The following CCDC117 variants were observed in gnomAD, a reference collection of about 807,000 sequenced individuals.
CCDC117 encodes the protein coiled-coil domain-containing protein 117.
CCDC117 carries 1 observed loss-of-function variant against 23.5 expected under a neutral mutation model. The ratio of observed to expected loss-of-function variants is 0.04; its 90% CI spans 0.02 to 0.20. CCDC117 has a LOEUF of 0.20. Among genes scored for constraint, CCDC117 ranks in the 10% least tolerant of loss-of-function variants. The probability of loss-of-function intolerance (pLI) is 1.00; values close to 1 mark genes in which losing one functional copy is unlikely to be tolerated. For synonymous variants in CCDC117, 132 were observed against 124.8 expected (o/e 1.06, Z -0.39); for missense variants, 383 against 348.2 (o/e 1.10, Z -0.80).
intron 1 of CCDC117, 48 bp downstream of exon 1, chr22:28,773,082 C>G: frequency 1.1e-6 from 1 of 911,208 alleles, no homozygotes; most frequent in Non-Finnish European, 1.3e-6. Context: ...GGCGGGCGGG[C>G]AGGCTGGGCG....
chr22:28,783,476 TTTTC>T (rs778184539), intron 3 of CCDC117, 28 bp from the exon 4 acceptor site: 3 of 1,589,382 alleles, frequency 1.9e-6, no homozygotes, highest in African/African-American at 2.7e-5. Context: ...ACTAAATATT[TTTTC>T]TTTCTTCTGC....
chr22:28,784,527 G>T (rs2031453836), intron 4 of CCDC117, among the ~76,000 whole-genome samples: 1 of 152,224 alleles, frequency 6.6e-6, no homozygotes, highest in African/African-American at 2.4e-5. Context: ...GGGCAGATAG[G>T]TGAGGCATTA....
At chr22:28,774,395 G>T (rs1260598481) in intron 2 of CCDC117, among the ~76,000 whole-genome samples, 13 of 118,782 alleles carry the variant, frequency 1.1e-4, no homozygotes, top group Non-Finnish European at 1.5e-4. Flanking sequence ...TTTTTTTAAA[G>T]TCAGGGGCTC....
intron 2 of CCDC117, among the ~76,000 whole-genome samples, chr22:28,774,873 G>A (rs2031118025): frequency 6.6e-6 from 1 of 152,070 alleles, no homozygotes; most frequent in South Asian, 2.1e-4. Context: ...GGAAGATATG[G>A]TTCACACTGT....
intron 2 of CCDC117, 55 bp downstream of exon 2, chr22:28,773,833 T>C: frequency 7.4e-7 from 1 of 1,355,082 alleles, no homozygotes; most frequent in East Asian, 2.3e-5. Flanking sequence ...TGAACCCCTG[T>C]TATAGTCTAA....
intron 3 of CCDC117, among the ~76,000 whole-genome samples, chr22:28,782,908 G>A (rs1302228050): frequency 6.6e-6 from 1 of 152,014 alleles, no homozygotes; most frequent in Non-Finnish European, 1.5e-5. Flanking sequence ...TCTTCTCATA[G>A]AACTACTGAG....
intron 2 of CCDC117, among the ~76,000 whole-genome samples, chr22:28,774,607 C>T (rs1569196655): frequency 6.6e-6 from 1 of 151,976 alleles, no homozygotes; most frequent in Non-Finnish European, 1.5e-5. Context: ...AACTTCTGGC[C>T]TCAAGCAGTC....
intron 2 of CCDC117, among the ~76,000 whole-genome samples, chr22:28,775,268 CAAAA>C (rs2031129729): frequency 6.6e-6 from 1 of 152,206 alleles, no homozygotes. Context: ...CTCAAAAAAA[CAAAA>C]GAAAGTAGTT....
chr22:28,786,476 G>C lies in CCDC117; in HGVS notation c.*150G>C, dbSNP rs1442299587. On this transcript the variant is annotated 3_prime_UTR_variant, in exon 5 of 5. Coordinates refer to ENST00000249064, the MANE Select transcript of CCDC117 (RefSeq NM_173510.4). ...ATTTGGGGGTGGGACTCTTATTTTG[G>C]GTAGCCATTTATTGACTTCACCTTT... The C allele has an allele frequency of 1.7e-6, 1 of 594,328 alleles. No homozygotes were observed. The highest frequency in any genetic ancestry group is 2.9e-6 in the Non-Finnish European group (1 of 345,722). 36.8% of individuals were successfully genotyped at this position (594,328 alleles called of 1,614,324 possible). A position where few individuals can be genotyped will look rare whatever the true frequency, so the allele number is the denominator to read the frequency against.
rs563835333 is a variant in CCDC117 at position 28,779,495 on chromosome 22, C to T, written c.240-1453C>T. Among the ~76,000 whole-genome samples the T allele has an allele frequency of 1.3e-3, 203 of 152,182 alleles. 1 individual carries two copies. The highest frequency in any genetic ancestry group is 3.5e-3 in the Admixed American group (53 of 15,278). On this transcript the variant is annotated intron_variant, in intron 2 of 4. Coordinates refer to ENST00000249064, the MANE Select transcript of CCDC117 (RefSeq NM_173510.4). ...TGCTGGGATTACAGGCATGAACTAC[C>T]GTGTCCGGCCTAAAATATCCCATAT...
rs1333322514 is a variant in CCDC117, at chr22:28,786,879, CTG to C, written c.*555_*556del. The C allele has an allele frequency of 6.5e-6, 1 of 152,804 alleles. No homozygotes were observed. Among genetic ancestry groups the C allele is most frequent in the Non-Finnish European group, 1.5e-5 (1 of 68,196 alleles). The allele number at this position is 152,804 out of a possible 1,614,324, so 9.5% of individuals were successfully genotyped here. On this transcript the variant is annotated 3_prime_UTR_variant, in exon 5 of 5. Coordinates refer to ENST00000249064, the MANE Select transcript of CCDC117 (RefSeq NM_173510.4). Reference sequence around the variant, plus strand: ...ATTTAGTTATCAATTCAATATAGCTCTGTTGATTAAATAGCCGATAGTATTGT... The same window carrying C: ...ATTTAGTTATCAATTCAATATAGCTCTTGATTAAATAGCCGATAGTATTGT...
chr22:28,775,419 G>A (rs528890043), intron 2 of CCDC117, among the ~76,000 whole-genome samples: 2 of 152,294 alleles, frequency 1.3e-5, no homozygotes, highest in South Asian at 4.1e-4. Flanking sequence ...ATGTTTGGAA[G>A]TATATGAATG....
At chr22:28,774,353 C>T (rs114734142) in intron 2 of CCDC117, among the ~76,000 whole-genome samples, 1,892 of 150,694 alleles carry the variant, frequency 0.013, 45 homozygotes, top group African/African-American at 0.043. Flanking sequence ...AGGCCTGAGC[C>T]GCCCCGGCCT....
chr22:28,785,150 C>G (rs2031473614), intron 4 of CCDC117, among the ~76,000 whole-genome samples: 3 of 151,830 alleles, frequency 2.0e-5, no homozygotes, highest in Admixed American at 1.3e-4. Flanking sequence ...GTGTGTGTAA[C>G]ATAGTCATTT....
chr22:28,783,004 CTTT>C (rs201632582), intron 3 of CCDC117, among the ~76,000 whole-genome samples: 3,461 of 152,156 alleles, frequency 0.023, 76 homozygotes, highest in African/African-American at 0.052. Context: ...ATATGTAAAA[CTTT>C]TTCGTTAAAT....
chr22:28,787,405 C>T lies in CCDC117; in HGVS notation c.*1079C>T, dbSNP rs1478382885. The T allele has an allele frequency of 6.6e-6, 1 of 152,106 alleles. No homozygotes were observed. Among genetic ancestry groups the T allele is most frequent in the African/African-American group, 2.4e-5 (1 of 41,424 alleles). The allele number at this position is 152,106 out of a possible 1,614,324, so 9.4% of individuals were successfully genotyped here. A position where few individuals can be genotyped will look rare whatever the true frequency, so the allele number is the denominator to read the frequency against. ...CTGCCCACCCCAGCCTCCCAAAATGCTGGGATTACAGGCGTGAGCCACGGC... is the reference window on the plus strand; with the variant it reads ...CTGCCCACCCCAGCCTCCCAAAATGTTGGGATTACAGGCGTGAGCCACGGC... On this transcript the variant is annotated 3_prime_UTR_variant, in exon 5 of 5. Transcript: ENST00000249064.
At chr22:28,783,841 G>C (rs867261813) in intron 4 of CCDC117, among the ~76,000 whole-genome samples, 196 bp downstream of exon 4, 1 of 152,138 alleles carries the variant, frequency 6.6e-6, no homozygotes, top group Admixed American at 6.5e-5. Flanking sequence ...GGAAGTGGCT[G>C]CCTTGCCTAC....
At chr22:28,785,760 T>C (rs1376672694) in intron 4 of CCDC117, among the ~76,000 whole-genome samples, 1 of 152,062 alleles carries the variant, frequency 6.6e-6, no homozygotes. Flanking sequence ...GAGGGGCCTT[T>C]CTAAAGATCA....
chr22:28,783,516 A>G lies in CCDC117; in HGVS notation c.473A>G (p.Asp158Gly). ...KLQEIEDRII[D>G]EDEEVEADRN... ...TGCCTTAATTGATTTAGGATAATTGATGAAGATGAAGAAGTTGAAGCTGAC... is the reference window on the plus strand; with the variant it reads ...TGCCTTAATTGATTTAGGATAATTGGTGAAGATGAAGAAGTTGAAGCTGAC... Residue 158 changes from aspartate to glycine, a missense_variant, in exon 4 of 5, where the codon GAT becomes GGT. Coordinates refer to ENST00000249064, the MANE Select transcript of CCDC117 (RefSeq NM_173510.4). The G allele has an allele frequency of 6.2e-7, 1 of 1,613,056 alleles. No homozygotes were observed. The highest frequency in any genetic ancestry group is 2.2e-5 in the East Asian group (1 of 44,832).
Sources: allele counts gnomAD v4.1 joint callset (sites outside exome capture counted in the v4.1 genomes callset), GRCh38; gene constraint gnomAD v4.1.1; transcripts MANE v1.5; gene names NCBI Gene and HGNC (gene_info 2026-07-23, HGNC 2026-07-21).